The following NRN1 variants were observed in gnomAD, a reference collection of about 807,000 sequenced individuals.
The protein encoded by NRN1 is neuritin 1, also known as neuritin.
In NRN1, 4 loss-of-function variants were observed where a neutral mutation model predicts 15.0. That is an observed-to-expected ratio of 0.27 (90% CI 0.13 to 0.61). The LOEUF (loss-of-function observed/expected upper bound fraction) is 0.61. Ranked by LOEUF, NRN1 falls within the 20% of genes least tolerant of loss-of-function variation. The pLI is 0.87. For synonymous variants in NRN1, 85 were observed against 79.8 expected (o/e 1.07, Z -0.35); for missense variants, 134 against 181.9 (o/e 0.74, Z 1.51).
chr6:5,999,484 G>A (rs1333359482), intron 2 of NRN1, among the ~76,000 whole-genome samples: 1 of 152,268 alleles, frequency 6.6e-6, no homozygotes, highest in Non-Finnish European at 1.5e-5. Flanking sequence ...AGGCAGCCGG[G>A]AGCCGGGCCG....
chr6:5,998,781 G>T lies in NRN1; in HGVS notation c.*195C>A. ...GGCTGTGCTTGCTTGCTCACTGATT[G>T]GTAACATTTGGCAAATAAAACACAA... is the stretch of plus-strand genomic sequence containing the variant. On this transcript the variant is annotated 3_prime_UTR_variant, in exon 3 of 3. Coordinates refer to ENST00000244766, the MANE Select transcript of NRN1 (RefSeq NM_016588.3). 3.4e-6 allele frequency: 2 copies of T among 591,114 alleles called. No homozygotes were observed. Among genetic ancestry groups the T allele is most frequent in the South Asian group, 2.1e-5 (1 of 46,850 alleles). The allele number at this position is 591,114 out of a possible 1,614,324, so 36.6% of individuals were successfully genotyped here. A position where few individuals can be genotyped will look rare whatever the true frequency, so the allele number is the denominator to read the frequency against.
In NRN1 at chr6:6,002,460, G is replaced by A. The variant is rs1757978001; in HGVS notation, c.93C>T (p.Cys31=). ...LVQAVRAAGK[C]DAVFKGFSDC... ...CCGAAAAGCCCTTGAAGACCGCATCGCACTTGCCCGCTGCTCTCACGGCCT... is the reference window on the plus strand; with the variant it reads ...CCGAAAAGCCCTTGAAGACCGCATCACACTTGCCCGCTGCTCTCACGGCCT... The change falls in exon 2 of 3, where the codon TGC becomes TGT. Residue 31 remains cysteine, a synonymous_variant. Transcript: ENST00000244766. 1 of 1,614,154 alleles carries A rather than the reference G, an allele frequency of 6.2e-7. No individual in the cohort carries two copies. Among genetic ancestry groups the A allele is most frequent in the South Asian group, 1.1e-5 (1 of 91,084 alleles).
upstream of NRN1, among the ~76,000 whole-genome samples, chr6:6,007,238 C>T (rs1043957364): frequency 1.3e-5 from 2 of 151,944 alleles, no homozygotes; most frequent in African/African-American, 2.4e-5. Context: ...TTCCGGGGGC[C>T]CCCCAGCCCC....
chr6:6,006,837 C>T lies in NRN1; in HGVS notation c.-88G>A. The T allele has an allele frequency of 8.4e-7, 1 of 1,194,454 alleles. No individual in the cohort carries two copies. Among genetic ancestry groups the T allele is most frequent in the Non-Finnish European group, 1.3e-6 (1 of 799,318 alleles). 74.0% of individuals were successfully genotyped at this position (1,194,454 alleles called of 1,614,324 possible). A position where few individuals can be genotyped will look rare whatever the true frequency, so the allele number is the denominator to read the frequency against. ...GGGAAAGCCAAAAAATAGGCATTGC[C>T]AACAAGTTCCGGGAGCGACAGAGAC... On this transcript the variant is annotated 5_prime_UTR_variant, in exon 1 of 3. Transcript: ENST00000244766.
At chr6:6,005,278 C>G (rs1385004861) in intron 1 of NRN1, among the ~76,000 whole-genome samples, 1 of 152,212 alleles carries the variant, frequency 6.6e-6, no homozygotes, top group Non-Finnish European at 1.5e-5. Context: ...GCCACATTCA[C>G]TTATTTCCAA....
chr6:6,003,706 G>C (rs925539157), intron 1 of NRN1: 14 of 1,234,360 alleles, frequency 1.1e-5, no homozygotes, highest in Non-Finnish European at 1.4e-5. Context: ...CAGGTACCAG[G>C]CTGCGGGCGC....
intron 2 of NRN1, among the ~76,000 whole-genome samples, chr6:6,000,885 C>A (rs935658914): frequency 1.3e-5 from 2 of 152,038 alleles, no homozygotes; most frequent in Admixed American, 6.5e-5. Context: ...TGGACCTAGC[C>A]GTGGCCTGTG....
At chr6:6,001,175 C>T (rs1164402536) in intron 2 of NRN1, among the ~76,000 whole-genome samples, 2 of 152,156 alleles carry the variant, frequency 1.3e-5, no homozygotes, top group East Asian at 3.9e-4. Context: ...GCAAAATTGA[C>T]ACCATTTAAT....
intron 1 of NRN1, 132 bp from the exon 2 acceptor site, chr6:6,002,629 G>T: frequency 8.3e-7 from 1 of 1,206,264 alleles, no homozygotes; most frequent in Non-Finnish European, 1.1e-6. Flanking sequence ...CAGCCTCGGG[G>T]CTCGCCAGTG....
chr6:5,999,296 G>A, intron 2 of NRN1, 92 bp from the exon 3 acceptor site: 1 of 1,150,308 alleles, frequency 8.7e-7, no homozygotes. Context: ...CCCGCTGGCG[G>A]CCCCGCCAAC....
intron 2 of NRN1, 55 bp downstream of exon 2, chr6:6,002,298 C>T (rs1757970388): frequency 2.5e-6 from 4 of 1,594,514 alleles, no homozygotes; most frequent in Non-Finnish European, 2.6e-6. Context: ...CGGCACTCTC[C>T]GACCTCAGTA....
In NRN1 at chr6:5,998,358, A is replaced by C. The variant is rs1757824717; in HGVS notation, c.*618T>G. The C allele has an allele frequency of 6.6e-6, 1 of 152,428 alleles. No individual in the cohort carries two copies. Among genetic ancestry groups the C allele is most frequent in the Middle Eastern group, 3.4e-3 (1 of 294 alleles). The allele number at this position is 152,428 out of a possible 1,614,324, so 9.4% of individuals were successfully genotyped here. On this transcript the variant is annotated 3_prime_UTR_variant, in exon 3 of 3. Coordinates refer to ENST00000244766, the MANE Select transcript of NRN1 (RefSeq NM_016588.3). ...CTGGAAGCCTTTACTCTTACCCCAGAGATTTCCTCAGCCCCTTCCCTCTCT... is the reference window on the plus strand; with the variant it reads ...CTGGAAGCCTTTACTCTTACCCCAGCGATTTCCTCAGCCCCTTCCCTCTCT...
intron 1 of NRN1, chr6:6,002,974 C>A: frequency 2.5e-6 from 1 of 399,456 alleles, no homozygotes; most frequent in Non-Finnish European, 4.4e-6. Flanking sequence ...GGGGCGAGAA[C>A]GGGGTGGGGA....
intron 1 of NRN1, 123 bp downstream of exon 1, chr6:6,006,572 G>A: frequency 1.2e-6 from 1 of 843,044 alleles, no homozygotes; most frequent in Non-Finnish European, 2.0e-6. Context: ...CCCCACCCTC[G>A]GGGGATTGCC....
At position 5,998,696 on chromosome 6, in the gene NRN1, G is replaced by T. The variant is rs988122565; in HGVS notation, c.*280C>A. ...TAATAATAATAAAATTAAAAAATGGGGTGGGTTTGCCGTTTTCTTATTTGT... is the reference window on the plus strand; with the variant it reads ...TAATAATAATAAAATTAAAAAATGGTGTGGGTTTGCCGTTTTCTTATTTGT... On this transcript the variant is annotated 3_prime_UTR_variant, in exon 3 of 3. Transcript: ENST00000244766. The T allele has an allele frequency of 5.4e-5, 17 of 313,576 alleles. No individual in the cohort carries two copies. The highest frequency in any genetic ancestry group is 7.5e-5 in the Non-Finnish European group (13 of 173,294). The allele number at this position is 313,576 out of a possible 1,614,324, so 19.4% of individuals were successfully genotyped here.
At chr6:6,006,438 G>GA (rs1758111145) in intron 1 of NRN1, among the ~76,000 whole-genome samples, 1 of 152,154 alleles carries the variant, frequency 6.6e-6, no homozygotes, top group African/African-American at 2.4e-5. Flanking sequence ...GTGTGCTCAG[G>GA]AAAAAGGGGG....
chr6:6,001,089 T>G (rs9632522), intron 2 of NRN1, among the ~76,000 whole-genome samples: 5,866 of 152,306 alleles, frequency 0.039, 385 homozygotes, highest in African/African-American at 0.13. Flanking sequence ...ACTTTGTCCC[T>G]TTCATGATAG....
chr6:6,003,770 G>T (rs1758031879), intron 1 of NRN1: 1 of 1,234,236 alleles, frequency 8.1e-7, no homozygotes, highest in Admixed American at 4.2e-5. Context: ...GCTGGAAGCT[G>T]AGTGCCTAGC....
chr6:5,998,955 CG>C lies in NRN1; in HGVS notation c.*20del. On this transcript the variant is annotated 3_prime_UTR_variant, in exon 3 of 3. Coordinates refer to ENST00000244766, the MANE Select transcript of NRN1 (RefSeq NM_016588.3). ...CATGGAGTGAGTGTGGGTGGGCGCGCGGGGGGAGCTGGCCCCACGCTCAGAA... is the reference window on the plus strand; with the variant it reads ...CATGGAGTGAGTGTGGGTGGGCGCGCGGGGGAGCTGGCCCCACGCTCAGAA... 5.1e-6 allele frequency: 8 copies of C among 1,577,696 alleles called. No individual in the cohort carries two copies. The highest frequency in any genetic ancestry group is 1.1e-5 in the South Asian group (1 of 89,094).
Sources: allele counts gnomAD v4.1 joint callset (sites outside exome capture counted in the v4.1 genomes callset), GRCh38; gene constraint gnomAD v4.1.1; transcripts MANE v1.5; gene names NCBI Gene and HGNC (gene_info 2026-07-23, HGNC 2026-07-21).